Variants in CACNA2D1 observed in about 807,000 individuals in gnomAD.
CACNA2D1 encodes the protein calcium voltage-gated channel auxiliary subunit alpha2delta 1, also known as voltage-dependent calcium channel subunit alpha-2/delta-1.
A neutral mutation model predicts 171.5 loss-of-function variants in CACNA2D1; 53 were observed. The observed-to-expected ratio is 0.31, with a 90% CI of 0.25 to 0.39. The LOEUF (loss-of-function observed/expected upper bound fraction) is 0.39. Among genes scored for constraint, CACNA2D1 ranks in the 10% least tolerant of loss-of-function variants. The probability of loss-of-function intolerance (pLI) is 1.00; values close to 1 mark genes in which losing one functional copy is unlikely to be tolerated. For missense variants in CACNA2D1, 903 were observed against 1,299.8 expected, an observed-to-expected ratio of 0.69 and a Z score of 4.69; for synonymous variants, 442 against 443.1, an observed-to-expected ratio of 1.00 and a Z score of 0.03.
chr7:82,151,957 A>G (rs986380734), intron 4 of CACNA2D1, among the ~76,000 whole-genome samples: 7 of 152,192 alleles, frequency 4.6e-5, no homozygotes, highest in Non-Finnish European at 1.0e-4. Context: ...TTCCTCCAAC[A>G]TGTTGTATAT....
At chr7:82,030,032 CTTGAT>C (rs1802474378) in intron 12 of CACNA2D1, 1 of 151,708 alleles carries the variant, frequency 6.6e-6, no homozygotes, top group African/African-American at 2.4e-5. Flanking sequence ...TTGAATATAA[CTTGAT>C]TTATTAGTTT....
intron 1 of CACNA2D1, among the ~76,000 whole-genome samples, chr7:82,367,018 T>TGCCTCA (rs1821815598): frequency 6.7e-6 from 1 of 149,470 alleles, no homozygotes; most frequent in Admixed American, 6.8e-5. Flanking sequence ...ACAATTCTCC[T>TGCCTCA]GCCTCAGCCT....
chr7:81,983,149 A>G (rs1434173257), intron 23 of CACNA2D1, among the ~76,000 whole-genome samples, 165 bp downstream of exon 23: 3 of 152,200 alleles, frequency 2.0e-5, no homozygotes, highest in Non-Finnish European at 4.4e-5. Context: ...ATGAAAACAC[A>G]GCATATTCTT....
chr7:81,985,541 A>C (rs37090), intron 21 of CACNA2D1, among the ~76,000 whole-genome samples: 80,644 of 151,874 alleles, frequency 0.53, 23,710 homozygotes, highest in African/African-American at 0.8. Context: ...GGATTAAATA[A>C]CCACTATTTT....
At chr7:82,443,167 A>C (rs1830637910) in intron 1 of CACNA2D1, among the ~76,000 whole-genome samples, 198 bp downstream of exon 1, 2 of 151,790 alleles carry the variant, frequency 1.3e-5, no homozygotes, top group Admixed American at 1.3e-4. Context: ...GAGGCGCCCG[A>C]GACGCCGGTT....
chr7:82,224,733 C>G (rs550378131), intron 3 of CACNA2D1, among the ~76,000 whole-genome samples: 1 of 152,146 alleles, frequency 6.6e-6, no homozygotes. Context: ...GCTGTTTACT[C>G]GTCCCCAGGC....
intron 1 of CACNA2D1, among the ~76,000 whole-genome samples, chr7:82,375,026 T>C (rs557817682): frequency 1.8e-4 from 28 of 152,254 alleles, no homozygotes; most frequent in African/African-American, 6.0e-4. Flanking sequence ...AGGGCACTAA[T>C]GCGAAGGAAT....
chr7:82,170,327 G>GT (rs1281776444), intron 4 of CACNA2D1, among the ~76,000 whole-genome samples: 58 of 148,794 alleles, frequency 3.9e-4, no homozygotes, highest in South Asian at 1.3e-3. Context: ...GGGTTTTTTG[G>GT]TTTTTGTTTT....
chr7:82,397,801 C>T (rs2129451398), intron 1 of CACNA2D1, among the ~76,000 whole-genome samples: 2 of 152,102 alleles, frequency 1.3e-5, no homozygotes, highest in East Asian at 1.9e-4. Flanking sequence ...ACAGAGAGGC[C>T]AAAAAACAGA....
At chr7:82,251,822 G>A (rs543158711) in intron 3 of CACNA2D1, among the ~76,000 whole-genome samples, 66 of 152,274 alleles carry the variant, frequency 4.3e-4, no homozygotes, top group African/African-American at 1.5e-3. Flanking sequence ...GCAGGAGATA[G>A]GATGCAAATC....
intron 18 of CACNA2D1, among the ~76,000 whole-genome samples, chr7:82,004,933 GGATTTTA>G (rs1798975604): frequency 1.3e-5 from 2 of 152,048 alleles, no homozygotes; most frequent in African/African-American, 2.4e-5. Context: ...CCCATCACAT[GGATTTTA>G]CTTATACAAT....
At chr7:82,417,293 G>C (rs1367899987) in intron 1 of CACNA2D1, among the ~76,000 whole-genome samples, 1 of 152,126 alleles carries the variant, frequency 6.6e-6, no homozygotes, top group Non-Finnish European at 1.5e-5. Flanking sequence ...AAAAACCAGA[G>C]GATTCACAGA....
At chr7:82,303,593 T>C (rs73164273) in intron 3 of CACNA2D1, among the ~76,000 whole-genome samples, 21,992 of 151,860 alleles carry the variant, frequency 0.14, 1,977 homozygotes, top group African/African-American at 0.25. Context: ...AATAGACACA[T>C]AGACCAATGG....
chr7:82,170,558 C>A lies in CACNA2D1; in HGVS notation c.346G>T (p.Asp116Tyr), dbSNP rs1795905928. ...KVQAAHQWRE[D>Y]FASNEVVYYN... ...TTAAAAGGGGTTCTTACTGCAAAAT[C>A]TTCTCTCCACTGGTGAGCTGCTTGA... Residue 116 changes from aspartate to tyrosine, a missense_variant, in exon 4 of 39, where the codon GAT becomes TAT. Physicochemically the swap from Asp to Tyr is radical, Grantham distance 160. Transcript: ENST00000356860. 1 of 1,612,432 alleles carries A rather than the reference C, an allele frequency of 6.2e-7. No individual in the cohort carries two copies. The highest frequency in any genetic ancestry group is 1.7e-5 in the Admixed American group (1 of 59,892).
chr7:82,176,763 G>A (rs1796578502), intron 3 of CACNA2D1, among the ~76,000 whole-genome samples: 1 of 151,710 alleles, frequency 6.6e-6, no homozygotes, highest in South Asian at 2.1e-4. Context: ...CTCGTTATAT[G>A]CAAGTTCACA....
intron 21 of CACNA2D1, among the ~76,000 whole-genome samples, chr7:81,990,383 T>C (rs892286697): frequency 6.6e-6 from 1 of 152,142 alleles, no homozygotes; most frequent in Non-Finnish European, 1.5e-5. Flanking sequence ...AGTGTGGGTA[T>C]GGCATCATTT....
chr7:81,958,767 G>A (rs559887277), intron 38 of CACNA2D1, among the ~76,000 whole-genome samples: 40 of 151,944 alleles, frequency 2.6e-4, no homozygotes, highest in African/African-American at 9.2e-4. Flanking sequence ...AATAATAGAA[G>A]TCTAATATGT....
At chr7:81,976,493 A>C (rs1356352577) in intron 24 of CACNA2D1, among the ~76,000 whole-genome samples, 1 of 152,064 alleles carries the variant, frequency 6.6e-6, no homozygotes, top group East Asian at 1.9e-4. Context: ...TAGGTATTTT[A>C]TTCTGTTTGT....
intron 3 of CACNA2D1, among the ~76,000 whole-genome samples, chr7:82,216,457 C>T (rs921806227): frequency 3.3e-5 from 5 of 152,302 alleles, no homozygotes; most frequent in African/African-American, 1.2e-4. Flanking sequence ...TTTCTCACCA[C>T]ACAAAGCAAA....
Sources: allele counts gnomAD v4.1 joint callset (sites outside exome capture counted in the v4.1 genomes callset), GRCh38; gene constraint gnomAD v4.1.1; transcripts MANE v1.5; gene names NCBI Gene and HGNC (gene_info 2026-07-23, HGNC 2026-07-21).